Variants in DLGAP2 observed in about 807,000 individuals in gnomAD.
DLGAP2 encodes DLG associated protein 2.
In DLGAP2, 26 loss-of-function variants were observed where a neutral mutation model predicts 100.3. That is an observed-to-expected ratio of 0.26 (90% CI 0.19 to 0.36). DLGAP2 has a LOEUF of 0.36. Among genes scored for constraint, DLGAP2 ranks in the 10% least tolerant of loss-of-function variants. The pLI, the probability that DLGAP2 is intolerant of heterozygous loss-of-function variation, is 1.00. For missense variants in DLGAP2, 1,858 were observed against 1,453.2 expected, an observed-to-expected ratio of 1.28 and a Z score of -4.53; for synonymous variants, 886 against 630.1, an observed-to-expected ratio of 1.41 and a Z score of -6.08.
At position 880,432 on chromosome 8, in the gene DLGAP2, C is replaced by T. The variant is rs562010053; in HGVS notation, c.19-27480C>T. Among the ~76,000 whole-genome samples the T allele has an allele frequency of 5.3e-5, 8 of 152,282 alleles. No individual in the cohort carries two copies. In the East Asian group the frequency reaches 9.6e-4, roughly 18 times the overall value. ...CTATCTGGCTCCTGTGCGGGGTGACCGTCCAGTGTGTGTCCCCTCTCCAGC... is the reference window on the plus strand; with the variant it reads ...CTATCTGGCTCCTGTGCGGGGTGACTGTCCAGTGTGTGTCCCCTCTCCAGC... On this transcript the variant is annotated intron_variant, in intron 1 of 14. Coordinates refer to ENST00000637795, the MANE Select transcript of DLGAP2 (RefSeq NM_001346810.2).
chr8:765,363 C>T (rs964622593), intron 1 of DLGAP2, among the ~76,000 whole-genome samples: 19 of 151,928 alleles, frequency 1.3e-4, no homozygotes, highest in African/African-American at 4.4e-4. Flanking sequence ...TTAATAATAT[C>T]CTTAAACCTG....
At chr8:1,698,207 A>T (rs991820851) in intron 14 of DLGAP2, among the ~76,000 whole-genome samples, 5 of 152,174 alleles carry the variant, frequency 3.3e-5, no homozygotes, top group African/African-American at 1.2e-4. Flanking sequence ...CTCATCCCAG[A>T]CGACAGGGGA....
intron 3 of DLGAP2, among the ~76,000 whole-genome samples, chr8:1,327,202 G>A (rs1801042068): frequency 1.3e-5 from 2 of 152,220 alleles, no homozygotes; most frequent in African/African-American, 4.8e-5. Context: ...ACACTGCTGT[G>A]TATTTCTTTG....
chr8:1,171,161 G>C (rs935479105), intron 2 of DLGAP2, among the ~76,000 whole-genome samples: 2 of 152,160 alleles, frequency 1.3e-5, no homozygotes, highest in Admixed American at 6.5e-5. Flanking sequence ...TTCAGGAGAA[G>C]GTTGTTCAGT....
At chr8:1,496,292 T>C (rs1001114523) in intron 3 of DLGAP2, among the ~76,000 whole-genome samples, 5 of 151,912 alleles carry the variant, frequency 3.3e-5, no homozygotes, top group Non-Finnish European at 5.9e-5. Context: ...GGTGGAAGCA[T>C]CACAGGGCCT....
intron 6 of DLGAP2, chr8:1,604,655 A>G (rs1796737863): frequency 6.6e-6 from 1 of 152,280 alleles, no homozygotes; most frequent in Non-Finnish European, 1.5e-5. Flanking sequence ...CCAGGAATCT[A>G]CATTACATGC....
chr8:1,172,293 C>T (rs977536356), intron 2 of DLGAP2, among the ~76,000 whole-genome samples: 3 of 152,278 alleles, frequency 2.0e-5, no homozygotes, highest in Middle Eastern at 3.4e-3. Context: ...GTAACCCGAC[C>T]TTTCTCTCTG....
intron 2 of DLGAP2, among the ~76,000 whole-genome samples, chr8:1,058,614 C>T (rs1050318474): frequency 3.9e-5 from 6 of 152,174 alleles, no homozygotes; most frequent in African/African-American, 7.2e-5. Flanking sequence ...TGGCTCATCA[C>T]GGCTGGTTAA....
intron 1 of DLGAP2, among the ~76,000 whole-genome samples, chr8:814,559 G>T (rs1422762060): frequency 2.6e-5 from 4 of 152,134 alleles, no homozygotes; most frequent in African/African-American, 9.7e-5. Context: ...TGTAAAACAA[G>T]AATAGGTAGT....
chr8:1,300,997 C>A (rs894033195), intron 3 of DLGAP2: 1 of 152,362 alleles, frequency 6.6e-6, no homozygotes, highest in African/African-American at 2.4e-5. Flanking sequence ...ACCACCCTCA[C>A]ATGCGGAACG....
In DLGAP2 at chr8:1,296,333, C is replaced by T. The variant is rs535631897; in HGVS notation, c.106+37450C>T. On this transcript the variant is annotated intron_variant, in intron 3 of 14. Transcript: ENST00000637795. The stretch of plus-strand genomic sequence containing the variant: ...AACTTTATAAATAAATTCCGAGTGC[C>T]TTAAAGAGACTTTCAGCGTTCCTTT... 105 of 152,274 alleles carry T rather than the reference C, an allele frequency of 6.9e-4. 1 individual carries two copies. The highest frequency in any genetic ancestry group is 2.3e-3 in the African/African-American group (96 of 41,542). 9.4% of individuals were successfully genotyped at this position (152,274 alleles called of 1,614,324 possible). A position where few individuals can be genotyped will look rare whatever the true frequency, so the allele number is the denominator to read the frequency against.
chr8:1,347,402 C>G (rs145042017), intron 3 of DLGAP2, among the ~76,000 whole-genome samples: 7,791 of 132,930 alleles, frequency 0.059, 272 homozygotes, highest in Middle Eastern at 0.21. Context: ...TGTGGAGGTT[C>G]AGTTCCCATA....
chr8:1,195,778 C>G (rs905023018), intron 2 of DLGAP2, among the ~76,000 whole-genome samples: 1 of 152,212 alleles, frequency 6.6e-6, no homozygotes, highest in African/African-American at 2.4e-5. Flanking sequence ...CACCCAGGAG[C>G]TGACCGTGTG....
At chr8:1,329,930 G>A (rs185902176) in intron 3 of DLGAP2, among the ~76,000 whole-genome samples, 28 of 152,346 alleles carry the variant, frequency 1.8e-4, no homozygotes, top group African/African-American at 6.7e-4. Flanking sequence ...CTGCCGTGCA[G>A]TAGAACCCCA....
rs568202663 is a variant in DLGAP2 at position 1,162,177 on chromosome 8, C to T, written c.74-96674C>T. 4.6e-5 allele frequency among the ~76,000 whole-genome samples: 7 copies of T among 152,306 alleles called. No homozygotes were observed. The East Asian group carries it at 1.4e-3, about 29-fold the overall frequency. ...CCGGCAGCAGGGGCGGCCAGTGCTGCAGAACTCGGAGGCGAGGGAGGCGGC... is the reference window on the plus strand; with the variant it reads ...CCGGCAGCAGGGGCGGCCAGTGCTGTAGAACTCGGAGGCGAGGGAGGCGGC... On this transcript the variant is annotated intron_variant, in intron 2 of 14. Transcript: ENST00000637795.
At chr8:1,231,605 T>G (rs145625744) in intron 2 of DLGAP2, among the ~76,000 whole-genome samples, 280 of 152,254 alleles carry the variant, frequency 1.8e-3, no homozygotes, top group South Asian at 3.3e-3. Flanking sequence ...ACAGGTGGAC[T>G]GGATAAAGAA....
At chr8:1,325,016 C>T (rs1800988355) in intron 3 of DLGAP2, among the ~76,000 whole-genome samples, 1 of 152,192 alleles carries the variant, frequency 6.6e-6, no homozygotes, top group South Asian at 2.1e-4. Context: ...TTCCCCAGGC[C>T]AGATCATTCT....
At chr8:783,191 T>G (rs574193870) in intron 1 of DLGAP2, among the ~76,000 whole-genome samples, 3 of 152,238 alleles carry the variant, frequency 2.0e-5, no homozygotes, top group Non-Finnish European at 4.4e-5. Flanking sequence ...AATACATGTG[T>G]CTTTTTTGCG....
At chr8:1,053,310 A>G (rs1038074434) in intron 2 of DLGAP2, among the ~76,000 whole-genome samples, 1 of 152,172 alleles carries the variant, frequency 6.6e-6, no homozygotes, top group African/African-American at 2.4e-5. Context: ...TGCCTTCTTC[A>G]TAAGATGGTT....
Sources: gnomAD v4.1 joint callset for allele counts (sites outside exome capture counted in the v4.1 genomes callset) on GRCh38, gnomAD v4.1.1 for gene constraint, MANE v1.5 for transcripts, NCBI Gene and HGNC (gene_info 2026-07-23, HGNC 2026-07-21) for gene names.